The following CEP135 variants were observed in gnomAD, a reference collection of about 807,000 sequenced individuals.
CEP135 encodes the protein centrosomal protein 135.
A neutral mutation model predicts 157.3 loss-of-function variants in CEP135; 142 were observed. The observed-to-expected ratio is 0.90, with a 90% confidence interval of 0.79 to 1.04. The LOEUF (loss-of-function observed/expected upper bound fraction) is 1.04, where lower values mean the gene tolerates loss of function less well. CEP135 is among the 50% of genes least tolerant of loss of function. The probability of loss-of-function intolerance (pLI) is 0.00; values close to 1 mark genes in which losing one functional copy is unlikely to be tolerated. For missense variants in CEP135, 1,317 were observed against 1,309.2 expected (o/e 1.01, Z -0.09); for synonymous variants, 396 against 439.8 (o/e 0.90, Z 1.25).
intron 12 of CEP135, 93 bp downstream of exon 12, chr4:55,980,388 T>C: frequency 1.4e-6 from 1 of 720,188 alleles, no homozygotes; most frequent in East Asian, 3.0e-5. Context: ...CTATAATATA[T>C]GGACCTGTGA....
chr4:55,999,187 A>G (rs1730076260), intron 15 of CEP135, 115 bp from the exon 16 acceptor site: 1 of 783,570 alleles, frequency 1.3e-6, no homozygotes, highest in Non-Finnish European at 2.0e-6. Context: ...TTTAAAATAA[A>G]AAATAGCAAA....
intron 19 of CEP135, 34 bp downstream of exon 19, chr4:56,009,937 A>G: frequency 1.3e-6 from 2 of 1,577,458 alleles, no homozygotes; most frequent in Non-Finnish European, 8.6e-7. Flanking sequence ...TGATAGTTTT[A>G]TACTTTCCAT....
chr4:55,953,499 C>CA (rs957147754), intron 3 of CEP135, among the ~76,000 whole-genome samples: 10 of 147,330 alleles, frequency 6.8e-5, no homozygotes, highest in Admixed American at 4.8e-4. Context: ...GAACTTGTTT[C>CA]AAAAAAAAAG....
intron 11 of CEP135, among the ~76,000 whole-genome samples, chr4:55,976,931 T>C (rs1729242087): frequency 6.6e-6 from 1 of 152,094 alleles, no homozygotes; most frequent in Non-Finnish European, 1.5e-5. Context: ...CACCTTAGCG[T>C]ACTGAGTAGC....
intron 24 of CEP135, among the ~76,000 whole-genome samples, chr4:56,022,291 C>G (rs574721259): frequency 3.9e-5 from 6 of 152,274 alleles, no homozygotes; most frequent in African/African-American, 1.2e-4. Flanking sequence ...AGCCTCATGA[C>G]CATGTCTTTC....
chr4:55,968,837 G>A (rs776115344), intron 8 of CEP135, among the ~76,000 whole-genome samples: 104 of 152,080 alleles, frequency 6.8e-4, no homozygotes, highest in Non-Finnish European at 5.1e-4. Flanking sequence ...ATGCTCAAGT[G>A]GCCTTCTTCA....
chr4:55,981,147 C>G, intron 12 of CEP135, 80 bp from the exon 13 acceptor site: 1 of 1,369,184 alleles, frequency 7.3e-7, no homozygotes, highest in Non-Finnish European at 9.8e-7. Context: ...CCTTTTTTAA[C>G]TGGAAACATA....
rs566228832 is a variant in CEP135 at position 56,028,988 on chromosome 4, T to A, written c.*12-2372T>A. Among the ~76,000 whole-genome samples the A allele has an allele frequency of 3.9e-5, 6 of 152,210 alleles. No individual in the cohort carries two copies. The South Asian group carries it at 1.2e-3, about 32-fold the overall frequency. On this transcript the variant is annotated intron_variant, in intron 25 of 25. Transcript: ENST00000257287. The stretch of plus-strand genomic sequence containing the variant: ...TGATCTGTGCTTCTGACTGAAGAGG[T>A]TTCCACAGCCCCCTCATCACATTCT...
At position 55,974,757 on chromosome 4, in the gene CEP135, AC is replaced by A. The variant is rs781701241; in HGVS notation, c.1262del (p.Thr421IlefsTer7). 1 of 1,611,988 alleles carries A rather than the reference AC, an allele frequency of 6.2e-7. No homozygotes were observed. Among genetic ancestry groups the A allele is most frequent in the Non-Finnish European group, 8.5e-7 (1 of 1,179,182 alleles). ...ACTTTAATTTACAGAACGACAACTTACTCTGGAGGTTGAGAGGATGAGACTA... is the reference window on the plus strand; with the variant it reads ...ACTTTAATTTACAGAACGACAACTTATCTGGAGGTTGAGAGGATGAGACTA... The part of the protein sequence containing the change: ...ESFAVTERQL[T>X]LEVERMRLEH... On this transcript the variant is annotated frameshift_variant, in exon 11 of 26. Transcript: ENST00000257287. LOFTEE classifies it high-confidence loss of function.
intron 23 of CEP135, among the ~76,000 whole-genome samples, chr4:56,020,055 C>T (rs1289692760): frequency 6.6e-6 from 1 of 151,962 alleles, no homozygotes; most frequent in African/African-American, 2.4e-5. Flanking sequence ...GAGGTTGTAC[C>T]GTGGGAGTAA....
intron 11 of CEP135, 58 bp from the exon 12 acceptor site, chr4:55,980,085 G>T: frequency 7.4e-7 from 1 of 1,360,432 alleles, no homozygotes; most frequent in Non-Finnish European, 1.0e-6. Context: ...CTCATCATCA[G>T]TATCCTTGTG....
At chr4:55,996,945 C>CA (rs973440365) in intron 15 of CEP135, among the ~76,000 whole-genome samples, 15 of 152,164 alleles carry the variant, frequency 9.9e-5, no homozygotes, top group African/African-American at 3.6e-4. Context: ...ATTTGAATCT[C>CA]AAAGAGATGG....
chr4:56,007,212 A>G (rs974323990), intron 17 of CEP135, among the ~76,000 whole-genome samples: 1 of 152,110 alleles, frequency 6.6e-6, no homozygotes, highest in Non-Finnish European at 1.5e-5. Context: ...TTTGGTTTTC[A>G]TTGGTTACAT....
Position 55,957,144 on chromosome 4 carries a change from G to T in CEP135, c.473-79G>T, listed in dbSNP as rs767702704. On this transcript the variant is annotated intron_variant, in intron 4 of 25. Transcript: ENST00000257287. ...TGAACTGCAGACACACTTTATAACC[G>T]AAAGGCTAACCTGGAATATTTAATT... is the stretch of plus-strand genomic sequence containing the variant. 3 of 1,489,656 alleles carry T rather than the reference G, an allele frequency of 2.0e-6. No homozygotes were observed. In the African/African-American group the frequency reaches 4.2e-5, roughly 21 times the overall value. 92.3% of individuals were successfully genotyped at this position (1,489,656 alleles called of 1,614,324 possible).
chr4:55,985,213 T>G lies in CEP135; in HGVS notation c.1780-68T>G, dbSNP rs987899303. On this transcript the variant is annotated intron_variant, in intron 13 of 25. Coordinates refer to ENST00000257287, the MANE Select transcript of CEP135 (RefSeq NM_025009.5). ...ATATAATAGAACTGTAGACTTACAT[T>G]GCTTACTGTGGTGATTTTGTTTTGT... 8.7e-5 allele frequency: 67 copies of G among 767,522 alleles called. No homozygotes were observed. In the Admixed American group the frequency reaches 1.2e-3, roughly 14 times the overall value. 47.5% of individuals were successfully genotyped at this position (767,522 alleles called of 1,614,324 possible).
intron 21 of CEP135, among the ~76,000 whole-genome samples, chr4:56,014,873 A>G (rs1730716916): frequency 6.6e-6 from 1 of 152,096 alleles, no homozygotes; most frequent in Admixed American, 6.6e-5. Flanking sequence ...AGCCTGGACA[A>G]CATGGCAAAA....
intron 4 of CEP135, among the ~76,000 whole-genome samples, chr4:55,956,406 G>A (rs1180431394): frequency 6.6e-6 from 1 of 152,110 alleles, no homozygotes; most frequent in Non-Finnish European, 1.5e-5. Context: ...ACTTGTAGAG[G>A]TTAAGAAAAC....
chr4:55,957,806 TATAA>T (rs1728552460), intron 5 of CEP135, among the ~76,000 whole-genome samples: 1 of 152,240 alleles, frequency 6.6e-6, no homozygotes, highest in South Asian at 2.1e-4. Context: ...TTGAATCATA[TATAA>T]ATTCCATTTG....
At chr4:55,961,764 T>TTAAAAA (rs1491538066) in intron 6 of CEP135, among the ~76,000 whole-genome samples, 1 of 54,186 alleles carries the variant, frequency 1.8e-5, no homozygotes, top group Non-Finnish European at 3.2e-5. Context: ...AAACTCTGTC[T>TTAAAAA]AAAAAAAAAA....
Sources: allele counts gnomAD v4.1 joint callset (sites outside exome capture counted in the v4.1 genomes callset), GRCh38; gene constraint gnomAD v4.1.1; transcripts MANE v1.5; gene names NCBI Gene and HGNC (gene_info 2026-07-23, HGNC 2026-07-21).